MUC12: variants seen among roughly 807,000 people sequenced by gnomAD.
The protein encoded by MUC12 is mucin 12, cell surface associated, also known as mucin-12.
A neutral mutation model predicts 230.8 loss-of-function variants in MUC12; 172 were observed. That is an observed-to-expected ratio of 0.75 (90% confidence interval 0.66 to 0.85). The LOEUF is 0.85. Among genes scored for constraint, MUC12 ranks in the 40% least tolerant of loss-of-function variants. MUC12 has a pLI of 0.00. For synonymous variants in MUC12, 1,259 were observed against 2,401.9 expected, an observed-to-expected ratio of 0.52 and a Z score of 13.91; for missense variants, 3,506 against 5,920.6, an observed-to-expected ratio of 0.59 and a Z score of 13.38.
At chr7:100,978,521 G>C (rs1793063576) in intron 1 of MUC12, among the ~76,000 whole-genome samples, 4 of 152,164 alleles carry the variant, frequency 2.6e-5, no homozygotes, top group African/African-American at 9.7e-5. Flanking sequence ...ATTGCACAAG[G>C]TCACACAGCG....
At position 101,003,242 on chromosome 7, in the gene MUC12, C is replaced by G; in HGVS notation, c.12679C>G (p.His4227Asp). The G allele has an allele frequency of 6.8e-7, 1 of 1,480,514 alleles. No homozygotes were observed. Among genetic ancestry groups the G allele is most frequent in the South Asian group, 1.2e-5 (1 of 82,328 alleles). The allele number at this position is 1,480,514 out of a possible 1,614,324, so 91.7% of individuals were successfully genotyped here. A position where few individuals can be genotyped will look rare whatever the true frequency, so the allele number is the denominator to read the frequency against. The change falls in exon 2 of 12, where the codon CAC (histidine) becomes GAC (aspartate). Residue 4227 changes from histidine (H) to aspartate (D), a missense_variant. By Grantham distance (81) the His-to-Asp change is moderately conservative (BLOSUM62 -1). Transcript: ENST00000536621. ...TTSHSRPGSM[H>D]TTAFPSSTTM... ...CTCCCACAGCCGACCAGGCTCAATG[C>G]ACACAACAGCATTCCCTAGCAGTAC...
intron 1 of MUC12, among the ~76,000 whole-genome samples, chr7:100,976,955 G>A (rs1422023510): frequency 2.0e-5 from 3 of 149,132 alleles, no homozygotes; most frequent in Non-Finnish European, 4.4e-5. Context: ...GGAGACTGAC[G>A]CAGGAGAATC....
chr7:100,975,664 C>T (rs1394588724), intron 1 of MUC12, among the ~76,000 whole-genome samples: 2 of 13,982 alleles, frequency 1.4e-4, no homozygotes, highest in African/African-American at 4.8e-4. Flanking sequence ...GAGAGGGGGC[C>T]TCCGGGGCCC....
chr7:100,970,525 G>A, intron 1 of MUC12, among the ~76,000 whole-genome samples: 1 of 145,552 alleles, frequency 6.9e-6, no homozygotes, highest in Non-Finnish European at 1.5e-5. Flanking sequence ...GAGAAATAAA[G>A]AAAGAAGGAA....
rs1444006395 is a variant in MUC12 at position 100,995,691 on chromosome 7, G to T, written c.5128G>T (p.Val1710Phe). The T allele has an allele frequency of 6.5e-7, 1 of 1,537,110 alleles. No individual in the cohort carries two copies. The highest frequency in any genetic ancestry group is 8.7e-7 in the Non-Finnish European group (1 of 1,147,030). ...PAPPTTTSAF[V>F]ELSTTSHGSP... ...ACCTCCTACTACCACATCAGCCTTT[G>T]TTGAGCTATCTACAACCTCCCACGG... Residue 1710 changes from valine (V) to phenylalanine (F), a missense_variant, in exon 2 of 12, where the codon GTT becomes TTT. Physicochemically the swap from Val to Phe is conservative, Grantham distance 50. Coordinates refer to ENST00000536621, the MANE Select transcript of MUC12 (RefSeq NM_001164462.2).
Position 101,018,722 on chromosome 7 carries a change from A to G in MUC12, c.*86A>G. 4 of 1,374,858 alleles carry G rather than the reference A, an allele frequency of 2.9e-6. No homozygotes were observed. Among genetic ancestry groups the G allele is most frequent in the Non-Finnish European group, 3.9e-6 (4 of 1,028,120 alleles). 85.2% of individuals were successfully genotyped at this position (1,374,858 alleles called of 1,614,324 possible). A position where few individuals can be genotyped will look rare whatever the true frequency, so the allele number is the denominator to read the frequency against. ...CACCACAAGCCTCCGGGGCGGGTCA[A>G]GAGGAGACCGAAGTCAGGCCCTGAA... On this transcript the variant is annotated 3_prime_UTR_variant, in exon 12 of 12. Transcript: ENST00000536621.
intron 5 of MUC12, among the ~76,000 whole-genome samples, chr7:101,009,630 C>G (rs558792173): frequency 6.6e-6 from 1 of 151,788 alleles, no homozygotes; most frequent in Non-Finnish European, 1.5e-5. Flanking sequence ...GCCAGGAATT[C>G]GAGACTAGCC....
At chr7:101,017,480 G>T in intron 10 of MUC12, 95 bp from the exon 11 acceptor site, 1 of 777,372 alleles carries the variant, frequency 1.3e-6, no homozygotes, top group East Asian at 2.7e-5. Context: ...GGCAGATGCC[G>T]GGCTGACTCT....
intron 1 of MUC12, among the ~76,000 whole-genome samples, chr7:100,971,909 A>G (rs2116251858): frequency 6.6e-6 from 1 of 152,428 alleles, no homozygotes; most frequent in Non-Finnish European, 1.5e-5. Context: ...ACGGCCCCCA[A>G]GCAACCAAAA....
intron 1 of MUC12, among the ~76,000 whole-genome samples, chr7:100,973,939 G>A (rs1792966198): frequency 1.3e-4 from 19 of 151,960 alleles, no homozygotes; most frequent in Admixed American, 1.2e-3. Context: ...GATCCCTTAA[G>A]CCCAGGAGTT....
rs1168926535 is a variant in MUC12 at position 100,991,694 on chromosome 7, C to T, written c.1131C>T (p.Ser377=). The change falls in exon 2 of 12, where the codon TCC becomes TCT. Residue 377 remains serine (S), a synonymous_variant. Coordinates refer to ENST00000536621, the MANE Select transcript of MUC12 (RefSeq NM_001164462.2). ...STQTMHFPES[S]TTSGHSEESA... ...AAACAATGCACTTCCCTGAAAGCTC[C>T]ACAACTTCAGGCCATAGTGAAGAAT... is the stretch of plus-strand genomic sequence containing the variant. 1 of 1,537,852 alleles carries T rather than the reference C, an allele frequency of 6.5e-7. No individual in the cohort carries two copies. Among genetic ancestry groups the T allele is most frequent in the Non-Finnish European group, 8.7e-7 (1 of 1,146,954 alleles).
rs745322881 is a variant in MUC12, at chr7:101,005,422, C to G, written c.14859C>G (p.Ser4953Arg). The change falls in exon 2 of 12, where the codon AGC becomes AGG. Residue 4953 changes from serine (S) to arginine (R), a missense_variant. Physicochemically the swap from Ser to Arg is moderately radical, Grantham distance 110. Transcript: ENST00000536621. ...CAACACTCTTTCCTGCGAGTTCCAG[C>G]ACATCAGGCCTCACTGAGGAATCTA... is the stretch of plus-strand genomic sequence containing the variant. ...TYTTLFPASSSTSGLTEESTT... is the reference protein window; with the variant it reads ...TYTTLFPASSRTSGLTEESTT... The G allele has an allele frequency of 4.6e-6, 7 of 1,537,918 alleles. No individual in the cohort carries two copies. The Middle Eastern group carries it at 5.0e-4, about 110-fold the overall frequency.
chr7:100,991,372 C>A lies in MUC12; in HGVS notation c.809C>A (p.Thr270Asn), dbSNP rs1210311828. ...ACACTGTCCCCTTCCAGCTCTACAA[C>A]CCATGAGGGAGAACCTACCACCTTC... ...HTTLSPSSST[T>N]HEGEPTTFQS... Residue 270 changes from threonine (T) to asparagine (N), a missense_variant, in exon 2 of 12, where the codon ACC becomes AAC. By Grantham distance (65) the Thr-to-Asn change is moderately conservative. Coordinates refer to ENST00000536621, the MANE Select transcript of MUC12 (RefSeq NM_001164462.2). The A allele has an allele frequency of 2.6e-6, 4 of 1,537,810 alleles. No homozygotes were observed. Among genetic ancestry groups the A allele is most frequent in the South Asian group, 2.4e-5 (2 of 84,062 alleles).
At chr7:101,016,333 G>A (rs1011895319) in intron 10 of MUC12, among the ~76,000 whole-genome samples, 9 of 152,070 alleles carry the variant, frequency 5.9e-5, no homozygotes, top group African/African-American at 2.2e-4. Flanking sequence ...GTGAGACAGA[G>A]TCTCACTCTG....
chr7:100,980,264 A>G (rs1793086393), intron 1 of MUC12, among the ~76,000 whole-genome samples: 1 of 152,026 alleles, frequency 6.6e-6, no homozygotes, highest in African/African-American at 2.4e-5. Context: ...GATGGTCTTG[A>G]TCTCTTGACC....
At position 100,995,621 on chromosome 7, in the gene MUC12, T is replaced by C; in HGVS notation, c.5058T>C (p.Ser1686=). The C allele has an allele frequency of 4.6e-6, 7 of 1,536,966 alleles. No homozygotes were observed. Among genetic ancestry groups the C allele is most frequent in the Non-Finnish European group, 6.1e-6 (7 of 1,147,058 alleles). Residue 1686 remains serine, a synonymous_variant, in exon 2 of 12, where the codon TCT becomes TCC. Coordinates refer to ENST00000536621, the MANE Select transcript of MUC12 (RefSeq NM_001164462.2). The part of the protein sequence containing the change: ...PAGSTTRQGE[S]TTFQSWPSSK... ...GCTCTACAACACGTCAGGGAGAATCTACCACCTTCCAGAGCTGGCCAAGCT... is the reference window on the plus strand; with the variant it reads ...GCTCTACAACACGTCAGGGAGAATCCACCACCTTCCAGAGCTGGCCAAGCT...
Position 100,992,903 on chromosome 7 carries a change from A to G in MUC12, c.2340A>G (p.Ile780Met), listed in dbSNP as rs1793371513. Reference protein sequence around the residue: ...SHSSQDATGTIVLPARSTTSV... With the variant: ...SHSSQDATGTMVLPARSTTSV... ...GCAGCCAAGACGCAACGGGAACAAT[A>G]GTCCTACCTGCCCGCTCCACAACCT... The change falls in exon 2 of 12, where the codon ATA becomes ATG. Residue 780 changes from isoleucine (I) to methionine (M), a missense_variant. Coordinates refer to ENST00000536621, the MANE Select transcript of MUC12 (RefSeq NM_001164462.2). 6.5e-7 allele frequency: 1 copy of G among 1,536,694 alleles called. No individual in the cohort carries two copies.
In MUC12 at chr7:100,992,341, C is replaced by A. The variant is rs754109338; in HGVS notation, c.1778C>A (p.Pro593His). 13 of 1,536,718 alleles carry A rather than the reference C, an allele frequency of 8.5e-6. No individual in the cohort carries two copies. In the South Asian group the frequency reaches 1.2e-4, roughly 14 times the overall value. ...RPGSTETTLL[P>H]DNTTASGLLE... ...GGCTCCACTGAAACAACACTCTTAC[C>A]TGACAACACCACAGCCTCAGGACTC... The change falls in exon 2 of 12, where the codon CCT becomes CAT. Residue 593 changes from proline (P) to histidine (H), a missense_variant. Physicochemically the swap from Pro to His is moderately conservative, Grantham distance 77 (BLOSUM62 -2). Transcript: ENST00000536621.
chr7:101,018,837 G>A lies in MUC12; in HGVS notation c.*201G>A. 2 of 498,676 alleles carry A rather than the reference G, an allele frequency of 4.0e-6. No individual in the cohort carries two copies. The highest frequency in any genetic ancestry group is 3.9e-4 in the Middle Eastern group (1 of 2,532). 30.9% of individuals were successfully genotyped at this position (498,676 alleles called of 1,614,324 possible). A position where few individuals can be genotyped will look rare whatever the true frequency, so the allele number is the denominator to read the frequency against. On this transcript the variant is annotated 3_prime_UTR_variant, in exon 12 of 12. Transcript: ENST00000536621. ...TGGGGGCTGTAAGCCTCTCCATCCG[G>A]GAGCTTCCAGACTCCCAGAAGCCTC...
Sources: gnomAD v4.1 joint callset for allele counts (sites outside exome capture counted in the v4.1 genomes callset) on GRCh38, gnomAD v4.1.1 for gene constraint, MANE v1.5 for transcripts, NCBI Gene and HGNC (gene_info 2026-07-23, HGNC 2026-07-21) for gene names.